Variants in RNF130 observed in about 807,000 individuals in gnomAD.
RNF130 encodes the protein E3 ubiquitin-protein ligase RNF130.
Under a neutral mutation model 44.6 loss-of-function variants are expected in RNF130, and 21 were observed. That is an observed-to-expected ratio of 0.47 (90% confidence interval 0.33 to 0.68). RNF130 has a LOEUF of 0.68. RNF130 is among the 30% of genes least tolerant of loss of function. RNF130 has a pLI of 0.02. For synonymous variants in RNF130, 214 were observed against 210.4 expected (o/e 1.02, Z -0.15); for missense variants, 479 against 560.6 (o/e 0.85, Z 1.47).
rs397701505 is a variant in RNF130, at chr5:179,946,554, ATT to A, written c.1150+20250_1150+20251del. Among the ~76,000 whole-genome samples the A allele has an allele frequency of 4.7e-3, 656 of 140,624 alleles. 8 individuals are homozygous for A. The highest frequency in any genetic ancestry group is 0.016 in the African/African-American group (608 of 38,274). The allele number at this position is 140,624 out of a possible 152,430, so 92.3% of individuals were successfully genotyped here. ...GACCAGTACAGCACACCCACCGGGGATTTTTTTTTTTTTTTTTGAGACGGAGT... is the reference window on the plus strand; with the variant it reads ...GACCAGTACAGCACACCCACCGGGGATTTTTTTTTTTTTTTGAGACGGAGT... On this transcript the variant is annotated intron_variant, in intron 7 of 7. Coordinates refer to the RNF130 transcript ENST00000522208.
intron 1 of RNF130, among the ~76,000 whole-genome samples, chr5:180,045,208 T>C (rs1234304893): frequency 6.6e-6 from 1 of 152,182 alleles, no homozygotes; most frequent in East Asian, 1.9e-4. Context: ...CAGGTAAGAA[T>C]AGTATGTAAA....
At position 179,974,437 on chromosome 5, in the gene RNF130, G is replaced by A. The variant is rs536193947; in HGVS notation, c.848+3766C>T. 4.5e-4 allele frequency among the ~76,000 whole-genome samples: 69 copies of A among 152,320 alleles called. 1 individual carries two copies. The highest frequency in any genetic ancestry group is 1.1e-3 in the Admixed American group (17 of 15,304). On this transcript the variant is annotated intron_variant, in intron 5 of 8. Transcript: ENST00000521389. Reference sequence around the variant, plus strand: ...GAGAATCAGCCGTGATCACTGAGCCGAGGAGGAGGCCCCTCCGCCATGCCA... The same window carrying A: ...GAGAATCAGCCGTGATCACTGAGCCAAGGAGGAGGCCCCTCCGCCATGCCA...
chr5:179,928,478 G>C (rs1462534878), intron 7 of RNF130, among the ~76,000 whole-genome samples: 1 of 152,004 alleles, frequency 6.6e-6, no homozygotes, highest in Non-Finnish European at 1.5e-5. Flanking sequence ...GGCTGTTTGT[G>C]TATCTGGTTC....
intron 7 of RNF130, among the ~76,000 whole-genome samples, chr5:179,948,961 A>AT (rs554440602): frequency 0.053 from 6,864 of 128,590 alleles, 366 homozygotes; most frequent in African/African-American, 0.12. Context: ...CCTTGGAATA[A>AT]TTTTTTTTTT....
chr5:180,013,778 C>G (rs539223011), intron 2 of RNF130, among the ~76,000 whole-genome samples: 1 of 152,288 alleles, frequency 6.6e-6, no homozygotes, highest in Non-Finnish European at 1.5e-5. Flanking sequence ...ATTGGTACTT[C>G]TTGCACTAAT....
chr5:180,013,588 A>T (rs1471243631), intron 2 of RNF130, among the ~76,000 whole-genome samples: 2 of 152,224 alleles, frequency 1.3e-5, no homozygotes, highest in African/African-American at 2.4e-5. Flanking sequence ...CTACATTTTT[A>T]AAAAAAGATT....
exon 8 of RNF130, chr5:179,912,930 C>G (rs969389047): frequency 6.6e-6 from 1 of 152,356 alleles, no homozygotes; most frequent in South Asian, 2.1e-4. Flanking sequence ...CCGCAGATGT[C>G]GGTGGCTATA....
intron 3 of RNF130, among the ~76,000 whole-genome samples, chr5:180,007,384 G>C (rs997032971): frequency 8.5e-5 from 13 of 152,198 alleles, no homozygotes; most frequent in Non-Finnish European, 1.8e-4. Flanking sequence ...CTGGGTGACA[G>C]AGTGAGACCC....
At position 180,071,559 on chromosome 5, in the gene RNF130, G is replaced by T; in HGVS notation, c.144C>A (p.Arg48=). ...LINVTVQEPG[R]GAPLTFRIDR... ...CGATGCGAAACGTGAGCGGGGCGCCGCGGCCGGGCTCCTGCACCGTCACGT... is the reference window on the plus strand; with the variant it reads ...CGATGCGAAACGTGAGCGGGGCGCCTCGGCCGGGCTCCTGCACCGTCACGT... The change falls in exon 1 of 9, where the codon CGC becomes CGA. Residue 48 remains arginine (R), a synonymous_variant. Transcript: ENST00000521389. The T allele has an allele frequency of 7.0e-7, 1 of 1,435,594 alleles. No homozygotes were observed. The allele number at this position is 1,435,594 out of a possible 1,614,324, so 88.9% of individuals were successfully genotyped here.
Position 179,966,855 on chromosome 5 carries a change from C to T in RNF130, c.1101G>A (p.Gln367=). Residue 367 remains glutamine (Q), a synonymous_variant, in exon 7 of 9, where the codon CAG becomes CAA. Coordinates refer to ENST00000521389, the MANE Select transcript of RNF130 (RefSeq NM_018434.6). ...CTGTTCTCGGAGTGAGCTCCCCATC[C>T]TGAGGAAGAGGTGAGATCCCCGAAG... The part of the protein sequence containing the change: ...LRTSGISPLP[Q]DGELTPRTGE... 1 of 1,614,208 alleles carries T rather than the reference C, an allele frequency of 6.2e-7. No homozygotes were observed. The highest frequency in any genetic ancestry group is 8.5e-7 in the Non-Finnish European group (1 of 1,180,040).
chr5:180,055,281 CAAAAAAAAA>C (rs777596383), intron 1 of RNF130, among the ~76,000 whole-genome samples: 7,730 of 45,602 alleles, frequency 0.17, 701 homozygotes, highest in South Asian at 0.3. Flanking sequence ...AAAAAAAAAA[CAAAAAAAAA>C]CAGCAAACAA....
intron 7 of RNF130, chr5:179,934,102 T>C (rs1487537040): frequency 1.2e-5 from 3 of 253,334 alleles, no homozygotes; most frequent in Admixed American, 1.1e-4. Flanking sequence ...GAAGACGACT[T>C]TGAAGCACGG....
chr5:180,037,404 G>T (rs1177922833), intron 2 of RNF130, among the ~76,000 whole-genome samples: 1 of 152,178 alleles, frequency 6.6e-6, no homozygotes, highest in Non-Finnish European at 1.5e-5. Flanking sequence ...ACAGAGTCTA[G>T]ATTTAGAGTC....
At position 179,955,682 on chromosome 5, in the gene RNF130, A is replaced by G. The variant is rs777441983; in HGVS notation, c.1245-13T>C. The G allele has an allele frequency of 5.7e-6, 9 of 1,566,144 alleles. No individual in the cohort carries two copies. In the South Asian group the frequency reaches 9.5e-5, roughly 16 times the overall value. On this transcript the variant is annotated splice_polypyrimidine_tract_variant and intron_variant, in intron 8 of 8. Coordinates refer to ENST00000521389, the MANE Select transcript of RNF130 (RefSeq NM_018434.6). ...AAACCATTCTACCCTATGGAATAAAAGGAAAAAAGAGGTCATAAATTAAAG... is the reference window on the plus strand; with the variant it reads ...AAACCATTCTACCCTATGGAATAAAGGGAAAAAAGAGGTCATAAATTAAAG...
At chr5:179,920,618 T>A (rs773736545) in intron 7 of RNF130, among the ~76,000 whole-genome samples, 20 of 151,948 alleles carry the variant, frequency 1.3e-4, no homozygotes, top group Non-Finnish European at 2.5e-4. Context: ...GCATCTAAGT[T>A]CCAATCTTCG....
chr5:180,071,706 C>T lies in RNF130; in HGVS notation c.-4G>A, dbSNP rs1425958678. ...CCGCCCGCCCCGCGCAGCTCATCGT[C>T]CCTCCGGCAGCCGCCGCTGCTCGCG... On this transcript the variant is annotated 5_prime_UTR_variant, in exon 1 of 9. Transcript: ENST00000521389. 1.2e-5 allele frequency: 16 copies of T among 1,310,672 alleles called. No individual in the cohort carries two copies. The South Asian group carries it at 1.7e-4, about 14-fold the overall frequency. The allele number at this position is 1,310,672 out of a possible 1,614,324, so 81.2% of individuals were successfully genotyped here.
chr5:179,993,549 T>G (rs1312769050), intron 3 of RNF130, among the ~76,000 whole-genome samples: 1 of 152,116 alleles, frequency 6.6e-6, no homozygotes, highest in Non-Finnish European at 1.5e-5. Flanking sequence ...TCTGTATCCT[T>G]TGCCCACTTT....
At chr5:179,931,567 G>A (rs1228609340) in intron 7 of RNF130, among the ~76,000 whole-genome samples, 1 of 151,908 alleles carries the variant, frequency 6.6e-6, no homozygotes. Context: ...TCAGGAGTTC[G>A]GGACCAGCCT....
Position 179,955,581 on chromosome 5 carries a change from G to T in RNF130, c.*73C>A. 1 of 1,264,704 alleles carries T rather than the reference G, an allele frequency of 7.9e-7. No homozygotes were observed. The highest frequency in any genetic ancestry group is 1.1e-6 in the Non-Finnish European group (1 of 897,024). The allele number at this position is 1,264,704 out of a possible 1,614,324, so 78.3% of individuals were successfully genotyped here. ...AAATAAATGCTTGTGTGGCATGATT[G>T]GTAAATGATGCACAAAAATAGGTTC... is the stretch of plus-strand genomic sequence containing the variant. On this transcript the variant is annotated 3_prime_UTR_variant, in exon 9 of 9. Coordinates refer to ENST00000521389, the MANE Select transcript of RNF130 (RefSeq NM_018434.6).
Sources: allele counts gnomAD v4.1 joint callset (sites outside exome capture counted in the v4.1 genomes callset), GRCh38; gene constraint gnomAD v4.1.1; transcripts MANE v1.5; gene names NCBI Gene and HGNC (gene_info 2026-07-23, HGNC 2026-07-21).